The following CLINT1 variants were observed in gnomAD, a reference collection of about 807,000 sequenced individuals.
The protein encoded by CLINT1 is clathrin interacting protein localized in the trans-Golgi region.
CLINT1 carries 15 observed loss-of-function variants against 70.4 expected under a neutral mutation model. The observed-to-expected ratio is 0.21, with a 90% CI of 0.14 to 0.33. The LOEUF (loss-of-function observed/expected upper bound fraction) is 0.33. Among genes scored for constraint, CLINT1 ranks in the 10% least tolerant of loss-of-function variants. The pLI, the probability that CLINT1 is intolerant of heterozygous loss-of-function variation, is 1.00. For synonymous variants in CLINT1, 227 were observed against 254.7 expected, an observed-to-expected ratio of 0.89 and a Z score of 1.04; for missense variants, 615 against 778.1, an observed-to-expected ratio of 0.79 and a Z score of 2.49.
chr5:157,853,246 G>A (rs1753633485), intron 1 of CLINT1, among the ~76,000 whole-genome samples: 1 of 151,700 alleles, frequency 6.6e-6, no homozygotes, highest in Non-Finnish European at 1.5e-5. Flanking sequence ...GGCTAAGGCA[G>A]GAGACTCGCT....
chr5:157,845,232 C>A (rs1332972291), intron 1 of CLINT1, among the ~76,000 whole-genome samples: 1 of 152,036 alleles, frequency 6.6e-6, no homozygotes, highest in African/African-American at 2.4e-5. Context: ...GCTTGTAATC[C>A]CAGCTACTTG....
intron 9 of CLINT1, among the ~76,000 whole-genome samples, chr5:157,792,397 A>C (rs1761945236): frequency 1.3e-5 from 2 of 152,192 alleles, no homozygotes; most frequent in Admixed American, 1.3e-4. Flanking sequence ...AATACAAAAA[A>C]ATTAGCTGGG....
chr5:157,846,946 C>A (rs1218070833), intron 1 of CLINT1, among the ~76,000 whole-genome samples: 1 of 152,190 alleles, frequency 6.6e-6, no homozygotes, highest in African/African-American at 2.4e-5. Flanking sequence ...AGAAAAGATT[C>A]TTTTCAAAAT....
chr5:157,822,044 G>A (rs984162127), intron 1 of CLINT1, among the ~76,000 whole-genome samples: 1 of 152,104 alleles, frequency 6.6e-6, no homozygotes, highest in Non-Finnish European at 1.5e-5. Flanking sequence ...TTGCACACAT[G>A]CTTTGATATG....
chr5:157,857,225 A>C (rs1489097287), intron 1 of CLINT1, among the ~76,000 whole-genome samples: 4 of 16,538 alleles, frequency 2.4e-4, no homozygotes, highest in African/African-American at 1.3e-3. Flanking sequence ...AGACCCCATC[A>C]AAAAAAAAAA....
chr5:157,836,851 T>G (rs191945570), intron 1 of CLINT1, among the ~76,000 whole-genome samples: 1 of 152,366 alleles, frequency 6.6e-6, no homozygotes, highest in Admixed American at 6.5e-5. Context: ...CATTCTTAAC[T>G]GCAGCCTCTT....
chr5:157,810,669 C>T (rs1340667317), intron 5 of CLINT1, among the ~76,000 whole-genome samples: 2 of 152,162 alleles, frequency 1.3e-5, no homozygotes, highest in African/African-American at 4.8e-5. Flanking sequence ...CCTTCCATTT[C>T]CATGTCCAAA....
In CLINT1 at chr5:157,791,932, C is replaced by T; in HGVS notation, c.1151G>A (p.Gly384Asp). 2 of 1,613,948 alleles carry T rather than the reference C, an allele frequency of 1.2e-6. No individual in the cohort carries two copies. The highest frequency in any genetic ancestry group is 3.3e-5 in the Admixed American group (2 of 60,018). The change falls in exon 10 of 12, where the codon GGC becomes GAC. Residue 384 changes from glycine (G) to aspartate (D), a missense_variant. Physicochemically the swap from Gly to Asp is moderately conservative, Grantham distance 94. Around this residue, in one of 2 missense-constraint regions of CLINT1, gnomAD observed 374 missense variants for 409.6 expected, o/e 0.91. Transcript: ENST00000411809. ...DWSAFNQAPS[G>D]PVASSGEFFG... ...GAACTCGCCACTGGAAGCAACAGGG[C>T]CTGATGGGGCTTGGTTGAAGGCACT... is the stretch of plus-strand genomic sequence containing the variant.
At chr5:157,793,432 T>C (rs1449703952) in intron 9 of CLINT1, among the ~76,000 whole-genome samples, 1 of 152,220 alleles carries the variant, frequency 6.6e-6, no homozygotes, top group Non-Finnish European at 1.5e-5. Context: ...AAACGATTTC[T>C]AGTGGGGCAT....
chr5:157,822,024 T>C (rs1762891910), intron 1 of CLINT1, among the ~76,000 whole-genome samples: 1 of 152,194 alleles, frequency 6.6e-6, no homozygotes, highest in Non-Finnish European at 1.5e-5. Context: ...GAAGTTACCA[T>C]CCTCAAGTTT....
intron 1 of CLINT1, among the ~76,000 whole-genome samples, chr5:157,819,197 A>G (rs551086420): frequency 6.6e-5 from 10 of 152,310 alleles, no homozygotes; most frequent in African/African-American, 2.4e-4. Context: ...ATTTTAAAGG[A>G]ACAATTATGC....
intron 5 of CLINT1, among the ~76,000 whole-genome samples, chr5:157,812,122 C>T (rs1299179210): frequency 2.0e-5 from 3 of 151,742 alleles, no homozygotes; most frequent in South Asian, 2.1e-4. Flanking sequence ...GCTAACTAAA[C>T]GCAGTGTTTT....
intron 1 of CLINT1, among the ~76,000 whole-genome samples, chr5:157,834,281 GC>G (rs1489574823): frequency 6.6e-6 from 1 of 152,090 alleles, no homozygotes; most frequent in Non-Finnish European, 1.5e-5. Flanking sequence ...TAGGAGAATT[GC>G]TTGAACCGGG....
rs1561647014 is a variant in CLINT1, at chr5:157,809,093, GCA to G, written c.695+533_695+534del. 2.0e-5 allele frequency: 3 copies of G among 152,224 alleles called. No homozygotes were observed. The South Asian group carries it at 6.2e-4, about 32-fold the overall frequency. 9.4% of individuals were successfully genotyped at this position (152,224 alleles called of 1,614,324 possible). A position where few individuals can be genotyped will look rare whatever the true frequency, so the allele number is the denominator to read the frequency against. On this transcript the variant is annotated intron_variant, in intron 6 of 11. Coordinates refer to ENST00000411809, the MANE Select transcript of CLINT1 (RefSeq NM_014666.4). ...ATAACCTAGTATCTTAAAAATAGTT[GCA>G]CAGTGCTTGCTTCAGCAGCATATGT...
intron 5 of CLINT1, among the ~76,000 whole-genome samples, chr5:157,812,686 A>G (rs1163892122): frequency 6.6e-6 from 1 of 152,218 alleles, no homozygotes; most frequent in Non-Finnish European, 1.5e-5. Flanking sequence ...CAAATTAGAA[A>G]GATGGATCTC....
intron 1 of CLINT1, among the ~76,000 whole-genome samples, chr5:157,830,752 CTCTCCCTCTCT>C (rs1561662682): frequency 7.6e-4 from 84 of 111,156 alleles, no homozygotes; most frequent in African/African-American, 2.8e-3. Context: ...CCCTCCCTCT[CTCTCCCTCTCT>C]CTCTCTCTCT....
At chr5:157,825,458 C>T (rs1384029025) in intron 1 of CLINT1, among the ~76,000 whole-genome samples, 1 of 152,090 alleles carries the variant, frequency 6.6e-6, no homozygotes, top group African/African-American at 2.4e-5. Context: ...TACTACCAGG[C>T]TTTGAAGGAG....
At chr5:157,824,036 T>C (rs1239007467) in intron 1 of CLINT1, among the ~76,000 whole-genome samples, 1 of 152,178 alleles carries the variant, frequency 6.6e-6, no homozygotes, top group East Asian at 1.9e-4. Context: ...AAAATTGTCT[T>C]CCACAAAACT....
At chr5:157,839,427 C>G (rs549948388) in intron 1 of CLINT1, among the ~76,000 whole-genome samples, 1 of 151,852 alleles carries the variant, frequency 6.6e-6, no homozygotes, top group African/African-American at 2.4e-5. Context: ...ATGGTGAAAC[C>G]GCATCTCTAC....
Sources: gnomAD v4.1 joint callset for allele counts (sites outside exome capture counted in the v4.1 genomes callset) on GRCh38, gnomAD v4.1.1 for gene constraint, gnomAD v4.1.1 regional missense constraint, MANE v1.5 for transcripts, NCBI Gene and HGNC (gene_info 2026-07-23, HGNC 2026-07-21) for gene names.